The following CDH18 variants were observed in gnomAD, a reference collection of about 807,000 sequenced individuals.
CDH18 encodes cadherin-18.
CDH18 carries 31 observed loss-of-function variants against 67.9 expected under a neutral mutation model. The ratio of observed to expected loss-of-function variants is 0.46; its 90% CI spans 0.34 to 0.62. CDH18 has a LOEUF of 0.62. Among genes scored for constraint, CDH18 ranks in the 20% least tolerant of loss-of-function variants. The pLI, the probability that CDH18 is intolerant of heterozygous loss-of-function variation, is 0.01. For missense variants in CDH18, 890 were observed against 975.5 expected (o/e 0.91, Z 1.17); for synonymous variants, 362 against 347.2 (o/e 1.04, Z -0.48).
intron 1 of CDH18, among the ~76,000 whole-genome samples, chr5:20,433,505 G>A (rs1366252517): frequency 1.3e-5 from 2 of 151,998 alleles, no homozygotes; most frequent in South Asian, 2.1e-4. Context: ...TGATGAACTC[G>A]ATGGTCTGAG....
chr5:19,536,897 T>C (rs1395815094), intron 9 of CDH18, among the ~76,000 whole-genome samples: 19 of 152,096 alleles, frequency 1.2e-4, no homozygotes, highest in Admixed American at 1.2e-3. Context: ...GAGCAGTGGG[T>C]ATGGCACTCG....
intron 7 of CDH18, among the ~76,000 whole-genome samples, chr5:19,582,905 C>T (rs1743504221): frequency 6.6e-6 from 1 of 151,276 alleles, no homozygotes; most frequent in South Asian, 2.1e-4. Context: ...CACTAAAAGA[C>T]CAGAAATATA....
chr5:20,436,511 G>T (rs193220235), intron 1 of CDH18, among the ~76,000 whole-genome samples: 3 of 151,768 alleles, frequency 2.0e-5, no homozygotes, highest in Non-Finnish European at 4.4e-5. Flanking sequence ...AAAGTAACAG[G>T]ACACGTGGTA....
At chr5:19,970,901 CAGAT>C (rs1312438491) in intron 2 of CDH18, among the ~76,000 whole-genome samples, 1 of 151,522 alleles carries the variant, frequency 6.6e-6, no homozygotes, top group Admixed American at 6.6e-5. Flanking sequence ...TTTTTAAAAA[CAGAT>C]AGTGAAGAAT....
At position 19,857,040 on chromosome 5, in the gene CDH18, T is replaced by C. The variant is rs147795302; in HGVS notation, c.-256-17798A>G. ...GAGTTTGAGACAAGCCAGGGCAACA[T>C]AGTGAGATCCCATCTCCACAAAAAC... On this transcript the variant is annotated intron_variant, in intron 2 of 12. Coordinates refer to ENST00000382275, the MANE Select transcript of CDH18 (RefSeq NM_004934.5). Among the ~76,000 whole-genome samples, 107 of 152,054 alleles carry C rather than the reference T, an allele frequency of 7.0e-4. 1 individual carries two copies. In the East Asian group the frequency reaches 0.015, roughly 21 times the overall value.
At chr5:20,445,883 A>G (rs530487206) in intron 1 of CDH18, among the ~76,000 whole-genome samples, 1 of 152,258 alleles carries the variant, frequency 6.6e-6, no homozygotes, top group East Asian at 1.9e-4. Flanking sequence ...ATACACTCTC[A>G]GAGGGAGAGT....
chr5:19,618,212 T>C (rs567263352), intron 5 of CDH18, among the ~76,000 whole-genome samples: 2 of 142,724 alleles, frequency 1.4e-5, no homozygotes, highest in Admixed American at 7.0e-5. Context: ...TTTTTCTTTC[T>C]TTTTTTTTTT....
intron 4 of CDH18, among the ~76,000 whole-genome samples, chr5:19,724,927 C>A (rs1343149279): frequency 8.2e-6 from 1 of 122,294 alleles, no homozygotes; most frequent in Non-Finnish European, 1.7e-5. Context: ...CATATTAAGG[C>A]CTTTTTTTTT....
At chr5:20,226,109 T>C (rs1741604962) in intron 2 of CDH18, among the ~76,000 whole-genome samples, 1 of 152,116 alleles carries the variant, frequency 6.6e-6, no homozygotes, top group Non-Finnish European at 1.5e-5. Context: ...GAAATCTTTA[T>C]TGTTTTTAAA....
At chr5:20,183,051 G>C (rs1255017794) in intron 2 of CDH18, among the ~76,000 whole-genome samples, 2 of 152,042 alleles carry the variant, frequency 1.3e-5, no homozygotes, top group Non-Finnish European at 2.9e-5. Context: ...TTGGTCATCA[G>C]TAAGATGAAG....
At chr5:20,015,838 G>A (rs1221807697) in intron 2 of CDH18, among the ~76,000 whole-genome samples, 2 of 151,980 alleles carry the variant, frequency 1.3e-5, no homozygotes, top group Non-Finnish European at 2.9e-5. Flanking sequence ...GAAAAAGGAC[G>A]GGAAAGCAAA....
chr5:19,753,842 C>T (rs1263781037), intron 3 of CDH18, among the ~76,000 whole-genome samples: 4 of 152,138 alleles, frequency 2.6e-5, no homozygotes, highest in Non-Finnish European at 5.9e-5. Flanking sequence ...TCAAACAAAA[C>T]AACTATCAGC....
intron 2 of CDH18, among the ~76,000 whole-genome samples, chr5:20,024,414 G>A (rs918452746): frequency 1.3e-5 from 2 of 152,248 alleles, no homozygotes; most frequent in South Asian, 2.1e-4. Context: ...TTGAGACCTG[G>A]TGGAAGTAAC....
chr5:20,228,430 C>T (rs931191658), intron 2 of CDH18, among the ~76,000 whole-genome samples: 3 of 151,810 alleles, frequency 2.0e-5, no homozygotes, highest in Non-Finnish European at 4.4e-5. Context: ...CTAAATATAC[C>T]TAATTAACAC....
chr5:19,609,740 T>C (rs1454029158), intron 6 of CDH18, among the ~76,000 whole-genome samples: 2 of 151,978 alleles, frequency 1.3e-5, no homozygotes, highest in Non-Finnish European at 2.9e-5. Context: ...TATAACTGTC[T>C]CAGACAGGTG....
At position 20,279,699 on chromosome 5, in the gene CDH18, C is replaced by CAAAAAAAAAAAAAAAAAAAA. The variant is rs1189257278; in HGVS notation, c.-579-24214_-579-24195dup. On this transcript the variant is annotated intron_variant, in intron 1 of 14. Transcript: ENST00000507958. ...GGGTGACAAAAGAGAAGCTCTGTCT[C>CAAAAAAAAAAAAAAAAAAAA]AAAAAAAAAAAAAAAAAAAAAAAAA... 5.1e-4 allele frequency among the ~76,000 whole-genome samples: 7 copies of CAAAAAAAAAAAAAAAAAAAA among 13,600 alleles called. 2 individuals are homozygous for CAAAAAAAAAAAAAAAAAAAA. Among genetic ancestry groups the CAAAAAAAAAAAAAAAAAAAA allele is most frequent in the Non-Finnish European group, 7.7e-4 (6 of 7,820 alleles). 8.9% of individuals were successfully genotyped at this position (13,600 alleles called of 152,430 possible). A position where few individuals can be genotyped will look rare whatever the true frequency, so the allele number is the denominator to read the frequency against.
At chr5:20,060,398 A>G (rs1244915688) in intron 2 of CDH18, among the ~76,000 whole-genome samples, 1 of 152,108 alleles carries the variant, frequency 6.6e-6, no homozygotes, top group Non-Finnish European at 1.5e-5. Context: ...CAGGAGGCAG[A>G]GGTTGCAGTG....
intron 5 of CDH18, among the ~76,000 whole-genome samples, chr5:19,661,321 T>C (rs1757139656): frequency 6.6e-6 from 1 of 151,956 alleles, no homozygotes; most frequent in African/African-American, 2.4e-5. Context: ...AAAAAATAAA[T>C]ACCAGTGATA....
intron 1 of CDH18, among the ~76,000 whole-genome samples, chr5:20,310,231 G>T (rs1326915803): frequency 6.6e-6 from 1 of 152,070 alleles, no homozygotes; most frequent in Non-Finnish European, 1.5e-5. Context: ...ATGTTTAAAT[G>T]ACTTATTTCT....
Sources: allele counts gnomAD v4.1 joint callset (sites outside exome capture counted in the v4.1 genomes callset), GRCh38; gene constraint gnomAD v4.1.1; transcripts MANE v1.5; gene names NCBI Gene and HGNC (gene_info 2026-07-23, HGNC 2026-07-21).